Variants in DOCK1 observed in about 807,000 individuals in gnomAD.
DOCK1 encodes the protein dedicator of cytokinesis protein 1.
DOCK1 carries 138 observed loss-of-function variants against 262.7 expected under a neutral mutation model. That is an observed-to-expected ratio of 0.53 (90% CI 0.46 to 0.61). DOCK1 has a LOEUF of 0.61. Ranked by LOEUF, DOCK1 falls within the 20% of genes least tolerant of loss-of-function variation. The pLI, the probability that DOCK1 is intolerant of heterozygous loss-of-function variation, is 0.00. For synonymous variants in DOCK1, 866 were observed against 867.4 expected, an observed-to-expected ratio of 1.00 and a Z score of 0.03; for missense variants, 1,908 against 2,370.7, an observed-to-expected ratio of 0.80 and a Z score of 4.05.
rs1445726624 is a variant in DOCK1 at position 127,418,308 on chromosome 10, AC to A, written c.4516-54del. On this transcript the variant is annotated intron_variant, in intron 44 of 51. Transcript: ENST00000623213. ...CAGAGCACGTGGCTCCTCTGGTGAG[AC>A]CCTGGGAGTGGAGGCAGCTGTGGGG... 3.3e-6 allele frequency: 5 copies of A among 1,511,092 alleles called. No individual in the cohort carries two copies. In the African/African-American group the frequency reaches 6.9e-5, roughly 21 times the overall value. The allele number at this position is 1,511,092 out of a possible 1,614,324, so 93.6% of individuals were successfully genotyped here. A position where few individuals can be genotyped will look rare whatever the true frequency, so the allele number is the denominator to read the frequency against.
chr10:127,147,876 C>T (rs764311755), intron 27 of DOCK1, among the ~76,000 whole-genome samples: 6 of 151,408 alleles, frequency 4.0e-5, no homozygotes, highest in Non-Finnish European at 8.8e-5. Context: ...ACTAAAAATA[C>T]AAAAATTAGC....
intron 11 of DOCK1, among the ~76,000 whole-genome samples, chr10:127,009,789 C>T (rs1332574590): frequency 2.0e-5 from 3 of 152,038 alleles, no homozygotes; most frequent in African/African-American, 7.2e-5. Flanking sequence ...CTGAAGGAGC[C>T]CTGTCCTTGG....
intron 29 of DOCK1, among the ~76,000 whole-genome samples, chr10:127,261,359 CTGTG>C (rs1165764951): frequency 1.3e-5 from 1 of 79,120 alleles, no homozygotes. Context: ...CCGTGCTCAT[CTGTG>C]TGTGTGCATG....
intron 1 of DOCK1, among the ~76,000 whole-genome samples, chr10:126,947,315 A>G (rs1337614127): frequency 0.011 from 913 of 79,754 alleles, no homozygotes; most frequent in African/African-American, 0.021. Flanking sequence ...GTTGGTGGTG[A>G]TGGTGGTGGT....
Position 127,063,016 on chromosome 10 carries a change from C to G in DOCK1, c.2445+1240C>G, listed in dbSNP as rs146940756. ...GGAAGTGCCTGGGAGGCCCATGGAG[C>G]AGCCGCAGGACCCCCACAATCTTGG... On this transcript the variant is annotated intron_variant, in intron 23 of 51. Transcript: ENST00000623213. 3.8e-3 allele frequency among the ~76,000 whole-genome samples: 579 copies of G among 152,276 alleles called. 1 individual carries two copies. Among genetic ancestry groups the G allele is most frequent in the African/African-American group, 0.013 (546 of 41,554 alleles).
intron 23 of DOCK1, among the ~76,000 whole-genome samples, chr10:127,101,083 C>T (rs2048214287): frequency 6.6e-6 from 1 of 151,936 alleles, no homozygotes; most frequent in African/African-American, 2.4e-5. Context: ...TGGAGCCCCA[C>T]AGGGCAGGCA....
intron 19 of DOCK1, among the ~76,000 whole-genome samples, chr10:127,041,373 C>T (rs2044001916): frequency 6.6e-6 from 1 of 152,214 alleles, no homozygotes; most frequent in Non-Finnish European, 1.5e-5. Flanking sequence ...GCTGAGATTA[C>T]AGATGTGAGC....
chr10:127,210,251 C>T (rs2057914766), intron 27 of DOCK1, among the ~76,000 whole-genome samples: 2 of 152,222 alleles, frequency 1.3e-5, no homozygotes, highest in African/African-American at 4.8e-5. Flanking sequence ...GCGCTCTGGA[C>T]TTCGGCGGTG....
At chr10:126,973,516 C>A (rs1187090774) in intron 2 of DOCK1, among the ~76,000 whole-genome samples, 1 of 152,140 alleles carries the variant, frequency 6.6e-6, no homozygotes, top group Non-Finnish European at 1.5e-5. Context: ...GATAAGAGAT[C>A]TACAGTGAAC....
intron 30 of DOCK1, among the ~76,000 whole-genome samples, chr10:127,341,780 G>A (rs1468531193): frequency 2.0e-5 from 3 of 152,184 alleles, no homozygotes; most frequent in Non-Finnish European, 4.4e-5. Context: ...GGCCCACATC[G>A]AGCGTCGCCC....
chr10:127,231,970 A>G (rs76700675), intron 27 of DOCK1, among the ~76,000 whole-genome samples: 2,778 of 152,282 alleles, frequency 0.018, 100 homozygotes, highest in African/African-American at 0.064. Context: ...GTCCCTGCAC[A>G]CATGGAGTTC....
rs575743146 is a variant in DOCK1, at chr10:127,077,493, G to A, written c.2445+15717G>A. Among the ~76,000 whole-genome samples, 81 of 152,302 alleles carry A rather than the reference G, an allele frequency of 5.3e-4. 1 individual carries two copies. Among genetic ancestry groups the A allele is most frequent in the African/African-American group, 1.9e-3 (79 of 41,568 alleles). On this transcript the variant is annotated intron_variant, in intron 23 of 51. Coordinates refer to ENST00000623213, the MANE Select transcript of DOCK1 (RefSeq NM_001290223.2). ...GGCTTCTCCAGACATGGGCCTCTTTGTGGATGTTATTGGAAAGGGTAGTGT... is the reference window on the plus strand; with the variant it reads ...GGCTTCTCCAGACATGGGCCTCTTTATGGATGTTATTGGAAAGGGTAGTGT...
At chr10:127,040,198 G>A (rs1215070710) in intron 19 of DOCK1, among the ~76,000 whole-genome samples, 1 of 152,180 alleles carries the variant, frequency 6.6e-6, no homozygotes, top group Non-Finnish European at 1.5e-5. Context: ...TTTGACCTTC[G>A]CAAAGAATCT....
chr10:126,942,701 C>G (rs2035113296), intron 1 of DOCK1, among the ~76,000 whole-genome samples: 1 of 152,086 alleles, frequency 6.6e-6, no homozygotes, highest in Admixed American at 6.5e-5. Flanking sequence ...TGTAAATACA[C>G]TCAATGTTAC....
At chr10:127,004,882 T>C (rs1013734653) in intron 10 of DOCK1, among the ~76,000 whole-genome samples, 3 of 151,786 alleles carry the variant, frequency 2.0e-5, no homozygotes, top group African/African-American at 7.3e-5. Flanking sequence ...TATGGGCCAC[T>C]CAGTGACTGG....
chr10:127,375,701 A>G lies in DOCK1; in HGVS notation c.3675+1487A>G, dbSNP rs1315027353. On this transcript the variant is annotated intron_variant, in intron 35 of 51. Coordinates refer to ENST00000623213, the MANE Select transcript of DOCK1 (RefSeq NM_001290223.2). ...TGAGCAGTCTTCGCCCCTTCATTGC[A>G]TGGCTGGACAGCTTGTTTAGGCTAA... Among the ~76,000 whole-genome samples the G allele has an allele frequency of 2.6e-5, 4 of 152,350 alleles. No individual in the cohort carries two copies. In the East Asian group the frequency reaches 5.8e-4, roughly 22 times the overall value.
chr10:127,053,285 C>G (rs763798953), intron 22 of DOCK1, among the ~76,000 whole-genome samples: 1 of 152,118 alleles, frequency 6.6e-6, no homozygotes, highest in Non-Finnish European at 1.5e-5. Context: ...GAGCTTGCAG[C>G]GAGCGGAGAT....
At chr10:127,009,056 C>T (rs1350112728) in intron 11 of DOCK1, among the ~76,000 whole-genome samples, 1 of 152,152 alleles carries the variant, frequency 6.6e-6, no homozygotes, top group Non-Finnish European at 1.5e-5. Context: ...ATATAGAAGG[C>T]ACAGAGTTAC....
intron 1 of DOCK1, among the ~76,000 whole-genome samples, chr10:126,947,414 ATGG>A (rs1263209197): frequency 7.5e-4 from 39 of 52,292 alleles, no homozygotes; most frequent in East Asian, 2.4e-3. Flanking sequence ...GTTGGTGGTG[ATGG>A]TGGTGGTTGG....
Sources: allele counts gnomAD v4.1 joint callset (sites outside exome capture counted in the v4.1 genomes callset), GRCh38; gene constraint gnomAD v4.1.1; transcripts MANE v1.5; gene names NCBI Gene and HGNC (gene_info 2026-07-23, HGNC 2026-07-21).